The following CACNA2D3 variants were observed in gnomAD, a reference collection of about 807,000 sequenced individuals.
CACNA2D3 encodes the protein calcium voltage-gated channel auxiliary subunit alpha2delta 3, also known as voltage-dependent calcium channel subunit alpha-2/delta-3.
In CACNA2D3, 60 loss-of-function variants were observed where a neutral mutation model predicts 160.6. That is an observed-to-expected ratio of 0.37 (90% CI 0.30 to 0.46). The LOEUF (loss-of-function observed/expected upper bound fraction) is 0.46. Ranked by LOEUF, CACNA2D3 falls within the 20% of genes least tolerant of loss-of-function variation. The pLI is 1.00. For missense variants in CACNA2D3, 1,205 were observed against 1,365.0 expected (o/e 0.88, Z 1.85); for synonymous variants, 558 against 492.9 (o/e 1.13, Z -1.75).
intron 18 of CACNA2D3, chr3:54,875,742 C>G (rs1262475911): frequency 6.6e-6 from 1 of 152,230 alleles, no homozygotes; most frequent in Admixed American, 6.5e-5. Flanking sequence ...ACCAGGGGCT[C>G]TGGAGAAGCA....
At chr3:54,166,306 C>T (rs1011515343) in intron 2 of CACNA2D3, among the ~76,000 whole-genome samples, 3 of 152,184 alleles carry the variant, frequency 2.0e-5, no homozygotes, top group Admixed American at 6.5e-5. Flanking sequence ...TTTATTCTCC[C>T]GAGGCTGACA....
chr3:54,533,793 TAGTG>T (rs752751606), intron 5 of CACNA2D3, among the ~76,000 whole-genome samples: 5 of 52,320 alleles, frequency 9.6e-5, no homozygotes, highest in Non-Finnish European at 1.4e-4. Flanking sequence ...AAATGGAAAA[TAGTG>T]TGTGTGTGTG....
chr3:54,673,599 A>G (rs939913241), intron 11 of CACNA2D3, among the ~76,000 whole-genome samples: 2 of 152,212 alleles, frequency 1.3e-5, no homozygotes, highest in African/African-American at 2.4e-5. Context: ...AACTTTTCAC[A>G]TGTTATCAAA....
intron 31 of CACNA2D3, among the ~76,000 whole-genome samples, chr3:54,991,254 C>T (rs1028309880): frequency 5.4e-5 from 8 of 148,894 alleles, no homozygotes; most frequent in Middle Eastern, 3.5e-3. Flanking sequence ...GACAGAGTCT[C>T]GCTTGTTGCC....
At chr3:54,960,224 T>G (rs534384287) in intron 27 of CACNA2D3, among the ~76,000 whole-genome samples, 21 of 152,252 alleles carry the variant, frequency 1.4e-4, no homozygotes, top group East Asian at 9.7e-4. Flanking sequence ...AAGAAAATCT[T>G]CTGCTGCGGC....
At chr3:54,226,782 A>G (rs566044609) in intron 2 of CACNA2D3, among the ~76,000 whole-genome samples, 3 of 152,294 alleles carry the variant, frequency 2.0e-5, no homozygotes, top group Non-Finnish European at 4.4e-5. Context: ...GAGGAGAGCA[A>G]TGTAGAATGT....
chr3:54,864,232 A>G (rs866538615), intron 17 of CACNA2D3, among the ~76,000 whole-genome samples: 1 of 151,504 alleles, frequency 6.6e-6, no homozygotes, highest in Non-Finnish European at 1.5e-5. Flanking sequence ...GCATCAGCAT[A>G]TTGCTGCTTA....
At chr3:54,216,368 C>T (rs928416269) in intron 2 of CACNA2D3, among the ~76,000 whole-genome samples, 1 of 152,096 alleles carries the variant, frequency 6.6e-6, no homozygotes, top group South Asian at 2.1e-4. Flanking sequence ...TTAAGTATTC[C>T]AGGTATATGT....
chr3:54,592,328 C>T (rs1702875239), intron 9 of CACNA2D3, among the ~76,000 whole-genome samples: 1 of 152,110 alleles, frequency 6.6e-6, no homozygotes, highest in Admixed American at 6.5e-5. Context: ...TGAAATAGCC[C>T]ACAGCACACC....
chr3:55,017,905 A>G lies in CACNA2D3; in HGVS notation c.2876-301A>G, dbSNP rs927871289. ...TCAGATACACATATGTGTTGTTGCTAAGTTTGAGTAAGTCTGAAGTCAGAG... is the reference window on the plus strand; with the variant it reads ...TCAGATACACATATGTGTTGTTGCTGAGTTTGAGTAAGTCTGAAGTCAGAG... On this transcript the variant is annotated intron_variant, in intron 34 of 37. Transcript: ENST00000474759. 7.9e-5 allele frequency among the ~76,000 whole-genome samples: 12 copies of G among 152,266 alleles called. No homozygotes were observed. In the South Asian group the frequency reaches 2.3e-3, roughly 29 times the overall value.
In CACNA2D3 at chr3:54,541,294, A is replaced by AG. The variant is rs1367473142; in HGVS notation, c.545-21506_545-21505insG. On this transcript the variant is annotated intron_variant, in intron 5 of 37. Transcript: ENST00000474759. The stretch of plus-strand genomic sequence containing the variant: ...TCCGTCTCAGAAAAAAAAAAAAAAA[A>AG]AAAAAAAGAAAAGAAAAGAAAAGGA... 7.1e-3 allele frequency among the ~76,000 whole-genome samples: 1,058 copies of AG among 149,224 alleles called. 19 individuals carry two copies. The East Asian group carries it at 0.089, about 13-fold the overall frequency.
At chr3:54,732,690 T>G (rs1701414265) in intron 11 of CACNA2D3, among the ~76,000 whole-genome samples, 1 of 152,188 alleles carries the variant, frequency 6.6e-6, no homozygotes, top group East Asian at 1.9e-4. Context: ...CTGAAGTGAT[T>G]ATTCAGAGCC....
chr3:55,053,520 G>A (rs1034371697), intron 35 of CACNA2D3, among the ~76,000 whole-genome samples: 2 of 151,904 alleles, frequency 1.3e-5, no homozygotes. Flanking sequence ...CACATCTGTT[G>A]TCAGATTTCT....
At chr3:54,153,704 G>A (rs550504907) in intron 2 of CACNA2D3, among the ~76,000 whole-genome samples, 2 of 152,304 alleles carry the variant, frequency 1.3e-5, no homozygotes, top group South Asian at 4.1e-4. Flanking sequence ...TGGTGTGTGT[G>A]TATGTATGTG....
At chr3:55,033,257 T>A (rs1703717534) in intron 35 of CACNA2D3, among the ~76,000 whole-genome samples, 1 of 152,084 alleles carries the variant, frequency 6.6e-6, no homozygotes, top group Non-Finnish European at 1.5e-5. Context: ...AAAACAACTA[T>A]TAACTAACAA....
chr3:54,393,719 C>T (rs531712199), intron 4 of CACNA2D3, among the ~76,000 whole-genome samples: 2 of 152,200 alleles, frequency 1.3e-5, no homozygotes, highest in Non-Finnish European at 2.9e-5. Context: ...GAGCCATAGC[C>T]AGACTGAGCA....
intron 35 of CACNA2D3, among the ~76,000 whole-genome samples, chr3:55,055,605 G>C (rs1704341452): frequency 3.3e-5 from 5 of 152,082 alleles, no homozygotes; most frequent in Admixed American, 3.3e-4. Flanking sequence ...AATTTTGATA[G>C]AGATTGCATT....
In CACNA2D3 at chr3:55,018,280, G is replaced by C; in HGVS notation, c.2950G>C (p.Glu984Gln). ...PAFVSERTIK[E>Q]TTGNIACEDC... The stretch of plus-strand genomic sequence containing the variant: ...ATTCGTCTCTGAGCGCACCATCAAG[G>C]AGACTACAGGGAATATTGCTTGTGA... The change falls in exon 35 of 38, where the codon GAG becomes CAG. Residue 984 changes from glutamate to glutamine, a missense_variant. Glu to Gln is a conservative substitution (Grantham distance 29). Transcript: ENST00000474759. 2 of 1,612,928 alleles carry C rather than the reference G, an allele frequency of 1.2e-6. No homozygotes were observed. Among genetic ancestry groups the C allele is most frequent in the Non-Finnish European group, 1.7e-6 (2 of 1,179,164 alleles).
chr3:54,411,104 C>T (rs1302729167), intron 4 of CACNA2D3, among the ~76,000 whole-genome samples: 1 of 152,124 alleles, frequency 6.6e-6, no homozygotes, highest in Non-Finnish European at 1.5e-5. Flanking sequence ...GCTGCAATCT[C>T]ATGATAAAAG....
Sources: gnomAD v4.1 joint callset for allele counts (sites outside exome capture counted in the v4.1 genomes callset) on GRCh38, gnomAD v4.1.1 for gene constraint, MANE v1.5 for transcripts, NCBI Gene and HGNC (gene_info 2026-07-23, HGNC 2026-07-21) for gene names.